The following KANK3 variants were observed in gnomAD, a reference collection of about 807,000 sequenced individuals.
KANK3 encodes KN motif and ankyrin repeat domains 3.
In KANK3, 61 loss-of-function variants were observed where a neutral mutation model predicts 65.4. That is an observed-to-expected ratio of 0.93 (90% CI 0.76 to 1.15). The LOEUF is 1.15. Among genes scored for constraint, KANK3 ranks in the 50% most tolerant of loss-of-function variants. The pLI, the probability that KANK3 is intolerant of heterozygous loss-of-function variation, is 0.00. For synonymous variants in KANK3, 586 were observed against 543.3 expected (o/e 1.08, Z -1.09); for missense variants, 1,187 against 1,178.8 (o/e 1.01, Z -0.10).
chr19:8,338,234 C>A (rs1391705894), intron 1 of KANK3, among the ~76,000 whole-genome samples: 1 of 151,776 alleles, frequency 6.6e-6, no homozygotes, highest in Non-Finnish European at 1.5e-5. Flanking sequence ...GTTGGCCAGG[C>A]TGGTCTCGAA....
At chr19:8,337,971 C>T (rs1411221670) in intron 1 of KANK3, 115 bp from the exon 2 acceptor site, 2 of 1,485,160 alleles carry the variant, frequency 1.3e-6, no homozygotes, top group Non-Finnish European at 8.9e-7. Flanking sequence ...CAGCCACCTC[C>T]CTCCACACAT....
In KANK3 at chr19:8,328,979, C is replaced by A. The variant is rs368406722; in HGVS notation, c.1937-3883G>T. Among the ~76,000 whole-genome samples the A allele has an allele frequency of 2.8e-3, 418 of 151,144 alleles. 1 individual carries two copies. Among genetic ancestry groups the A allele is most frequent in the African/African-American group, 9.9e-3 (408 of 41,086 alleles). On this transcript the variant is annotated intron_variant, in intron 7 of 10. Transcript: ENST00000330915. The stretch of plus-strand genomic sequence containing the variant: ...GGTCAGGAGATCGAGACCATCCTGG[C>A]TAACACGGTGAAACCCCATCTCTAC...
At chr19:8,324,054 CT>C (rs1428188148) in intron 10 of KANK3, among the ~76,000 whole-genome samples, 5 of 152,200 alleles carry the variant, frequency 3.3e-5, no homozygotes, top group East Asian at 1.9e-4. Context: ...CCTTAGGTTA[CT>C]TCCCCCCTTG....
Position 8,342,499 on chromosome 19 carries a change from C to T in KANK3, c.-29+726G>A, listed in dbSNP as rs1970733741. ...CTCATTAGGCCGTCAGAGCCGACGC[C>T]ACACGCCCCCTCTCCCGCCCCAGGG... On this transcript the variant is annotated intron_variant, in intron 1 of 10. Transcript: ENST00000330915. 2.6e-5 allele frequency among the ~76,000 whole-genome samples: 4 copies of T among 152,330 alleles called. No individual in the cohort carries two copies. In the South Asian group the frequency reaches 8.3e-4, roughly 32 times the overall value.
rs940510744 is a variant in KANK3 at position 8,334,045 on chromosome 19, G to A, written c.1499C>T (p.Pro500Leu). The A allele has an allele frequency of 1.1e-5, 17 of 1,541,784 alleles. No individual in the cohort carries two copies. Among genetic ancestry groups the A allele is most frequent in the Non-Finnish European group, 1.4e-5 (16 of 1,148,982 alleles). ...ATCCCCGGAGCCCGAGGAGCTACCC[G>A]GGGGCTCGGCGCCACCGTTCTCGCT... ...GDSENGGAEP[P>L]GSSSGSGDDS... The change falls in exon 5 of 11, where the codon CCG becomes CTG. Residue 500 changes from proline to leucine, a missense_variant. Transcript: ENST00000330915.
At chr19:8,331,490 C>T (rs1420698850) in intron 7 of KANK3, among the ~76,000 whole-genome samples, 3 of 152,186 alleles carry the variant, frequency 2.0e-5, no homozygotes, top group African/African-American at 7.2e-5. Context: ...GGACCCGCCT[C>T]AACCTGCAGT....
chr19:8,331,419 T>C (rs1398304067), intron 7 of KANK3, among the ~76,000 whole-genome samples: 1 of 151,902 alleles, frequency 6.6e-6, no homozygotes, highest in African/African-American at 2.4e-5. Context: ...CTTTCCTAGG[T>C]CATAAAGACC....
At chr19:8,340,641 C>T (rs1970712535) in intron 1 of KANK3, among the ~76,000 whole-genome samples, 1 of 152,202 alleles carries the variant, frequency 6.6e-6, no homozygotes, top group South Asian at 2.1e-4. Context: ...ACCTGTGTGC[C>T]TGATGCTATG....
chr19:8,330,620 C>T (rs542644671), intron 7 of KANK3, among the ~76,000 whole-genome samples: 4 of 151,662 alleles, frequency 2.6e-5, no homozygotes, highest in African/African-American at 9.7e-5. Context: ...CCCAGCTACT[C>T]GGGAGGCTGA....
chr19:8,323,083 A>T (rs1337883993), intron 10 of KANK3, 161 bp from the exon 11 acceptor site: 2 of 485,356 alleles, frequency 4.1e-6, no homozygotes, highest in Non-Finnish European at 3.6e-6. Flanking sequence ...GAGGCGCTTG[A>T]CCTTCCTCCC....
Position 8,335,156 on chromosome 19 carries a change from A to C in KANK3, c.671T>G (p.Leu224Arg). 1 of 1,217,644 alleles carries C rather than the reference A, an allele frequency of 8.2e-7. No individual in the cohort carries two copies. The highest frequency in any genetic ancestry group is 1.0e-6 in the Non-Finnish European group (1 of 980,152). The allele number at this position is 1,217,644 out of a possible 1,614,324, so 75.4% of individuals were successfully genotyped here. A position where few individuals can be genotyped will look rare whatever the true frequency, so the allele number is the denominator to read the frequency against. Reference protein sequence around the residue: ...VRALRAEKARLLAGRAQPEPD... With the variant: ...VRALRAEKARRLAGRAQPEPD... ...CTCGGGCTGCGCGCGCCCGGCCAGC[A>C]GCCGCGCCTTCTCGGCGCGCAGCGC... is the stretch of plus-strand genomic sequence containing the variant. Residue 224 changes from leucine to arginine, a missense_variant, in exon 3 of 11, where the codon CTG becomes CGG. Physicochemically the swap from Leu to Arg is moderately radical, Grantham distance 102. This residue lies in a region of KANK3 where 1,078 missense variants were observed against 1,038.2 expected (regional missense o/e 1.04). Coordinates refer to ENST00000330915, the MANE Select transcript of KANK3 (RefSeq NM_198471.3).
At chr19:8,338,718 A>G (rs1222465060) in intron 1 of KANK3, among the ~76,000 whole-genome samples, 1 of 151,798 alleles carries the variant, frequency 6.6e-6, no homozygotes, top group Non-Finnish European at 1.5e-5. Flanking sequence ...TACTAAAAAT[A>G]TAAAAAAGTA....
chr19:8,326,664 G>C (rs1168178738), intron 7 of KANK3, among the ~76,000 whole-genome samples: 2 of 151,248 alleles, frequency 1.3e-5, no homozygotes, highest in Non-Finnish European at 2.9e-5. Flanking sequence ...GGGTGTGGTG[G>C]TGGGTGCCTG....
At position 8,333,917 on chromosome 19, in the gene KANK3, G is replaced by T. The variant is rs1222254190; in HGVS notation, c.1627C>A (p.Gln543Lys). 1 of 1,580,708 alleles carries T rather than the reference G, an allele frequency of 6.3e-7. No individual in the cohort carries two copies. Among genetic ancestry groups the T allele is most frequent in the Non-Finnish European group, 8.6e-7 (1 of 1,165,930 alleles). ...EAEAEPQQVA[Q>K]GRCELSPRLR... Reference sequence around the variant, plus strand: ...CTAGCGAGCGCCGCTCACCTCCCCTGTGCCACCTGCTGAGGCTCTGCCTCC... The same window carrying T: ...CTAGCGAGCGCCGCTCACCTCCCCTTTGCCACCTGCTGAGGCTCTGCCTCC... Residue 543 changes from glutamine (Q) to lysine (K), a missense_variant, in exon 5 of 11, where the codon CAG becomes AAG. This residue lies in a region of KANK3 where 1,078 missense variants were observed against 1,038.2 expected (regional missense o/e 1.04). Transcript: ENST00000330915. The surrounding 1 kb of genome is among the most constrained non-coding windows in gnomAD (Gnocchi z 5.0).
chr19:8,325,819 G>A (rs985015028), intron 7 of KANK3, among the ~76,000 whole-genome samples: 5 of 151,934 alleles, frequency 3.3e-5, no homozygotes, highest in African/African-American at 1.2e-4. Flanking sequence ...CCACACAGCA[G>A]CCAGGAGCAA....
chr19:8,337,693 G>T, intron 2 of KANK3, 102 bp downstream of exon 2: 2 of 1,357,002 alleles, frequency 1.5e-6, no homozygotes, highest in Non-Finnish European at 2.1e-6. Context: ...ACATTGGAGA[G>T]GACTGCACTC....
chr19:8,333,582 A>C lies in KANK3; in HGVS notation c.1719+142T>G. On this transcript the variant is annotated intron_variant, in intron 6 of 10. Coordinates refer to ENST00000330915, the MANE Select transcript of KANK3 (RefSeq NM_198471.3). This position sits in a 1 kb window ranked among gnomAD's most constrained non-coding sequence, Gnocchi z 5.0. ...AGGAAAGATCGGCGCTGTCCTGGGAAGGAGATCCCTTCGGAGAGCCTGGGG... is the reference window on the plus strand; with the variant it reads ...AGGAAAGATCGGCGCTGTCCTGGGACGGAGATCCCTTCGGAGAGCCTGGGG... The C allele has an allele frequency of 1.0e-5, 7 of 675,230 alleles. No homozygotes were observed. The highest frequency in any genetic ancestry group is 1.8e-5 in the African/African-American group (1 of 55,144). 41.8% of individuals were successfully genotyped at this position (675,230 alleles called of 1,614,324 possible). A position where few individuals can be genotyped will look rare whatever the true frequency, so the allele number is the denominator to read the frequency against.
chr19:8,328,554 A>G (rs2972573), intron 7 of KANK3, among the ~76,000 whole-genome samples: 150,319 of 151,980 alleles, frequency 0.99, 74,407 homozygotes, highest in Middle Eastern at 1. Flanking sequence ...ATGGAGAAGA[A>G]TCCACAACAG....
Position 8,333,958 on chromosome 19 carries a change from T to G in KANK3, c.1586A>C (p.Asp529Ala). The G allele has an allele frequency of 6.4e-7, 1 of 1,563,660 alleles. No homozygotes were observed. The change falls in exon 5 of 11, where the codon GAC (aspartate) becomes GCC (alanine). Residue 529 changes from aspartate (D) to alanine (A), a missense_variant. By Grantham distance (126) the Asp-to-Ala change is moderately radical. This residue lies in a region of KANK3 where 1,078 missense variants were observed against 1,038.2 expected (regional missense o/e 1.04). Transcript: ENST00000330915. The surrounding 1 kb of genome is among the most constrained non-coding windows in gnomAD (Gnocchi z 5.0). Reference protein sequence around the residue: ...PGPPSGGDIRDPEPEAEAEPQ... With the variant: ...PGPPSGGDIRAPEPEAEAEPQ... ...CTCTGCCTCCGCCTCGGGCTCAGGGTCCCGGATGTCCCCGCCGCTGGGAGG... is the reference window on the plus strand; with the variant it reads ...CTCTGCCTCCGCCTCGGGCTCAGGGGCCCGGATGTCCCCGCCGCTGGGAGG...
Sources: gnomAD v4.1 joint callset for allele counts (sites outside exome capture counted in the v4.1 genomes callset) on GRCh38, gnomAD v4.1.1 for gene constraint, gnomAD v4.1.1 regional missense constraint, Gnocchi (gnomAD v3.1) non-coding constraint, MANE v1.5 for transcripts, NCBI Gene and HGNC (gene_info 2026-07-23, HGNC 2026-07-21) for gene names.